Variants in ATP1A4 observed in about 807,000 individuals in gnomAD.
ATP1A4 encodes the protein ATPase Na+/K+ transporting subunit alpha 4.
Under a neutral mutation model 114.3 loss-of-function variants are expected in ATP1A4, and 90 were observed. That is an observed-to-expected ratio of 0.79 (90% confidence interval 0.66 to 0.94). The LOEUF is 0.94. Among genes scored for constraint, ATP1A4 ranks in the 40% least tolerant of loss-of-function variants. The pLI is 0.00. For synonymous variants in ATP1A4, 511 were observed against 494.1 expected (o/e 1.03, Z -0.45); for missense variants, 1,222 against 1,313.6 (o/e 0.93, Z 1.08).
intron 18 of ATP1A4, among the ~76,000 whole-genome samples, chr1:160,179,532 T>G (rs1653605333): frequency 2.0e-5 from 3 of 152,214 alleles, no homozygotes; most frequent in African/African-American, 7.2e-5. Context: ...CCGTGTCTCT[T>G]CTATGACTGT....
At chr1:160,182,278 T>C (rs2101658333) in intron 20 of ATP1A4, among the ~76,000 whole-genome samples, 1 of 152,350 alleles carries the variant, frequency 6.6e-6, no homozygotes, top group African/African-American at 2.4e-5. Context: ...TTACCAGTGT[T>C]TAACAGAGTG....
chr1:160,177,504 C>G lies in ATP1A4; in HGVS notation c.2591-15C>G. ...TGAACCAGGCTCCCCTGTCCTGCAA[C>G]TCTGTCATTCACAGGGATGATCCAG... On this transcript the variant is annotated splice_polypyrimidine_tract_variant and intron_variant, in intron 17 of 21. Coordinates refer to ENST00000368081, the MANE Select transcript of ATP1A4 (RefSeq NM_144699.4). 1 of 1,613,406 alleles carries G rather than the reference C, an allele frequency of 6.2e-7. No homozygotes were observed. The highest frequency in any genetic ancestry group is 8.5e-7 in the Non-Finnish European group (1 of 1,179,798).
At position 160,170,255 on chromosome 1, in the gene ATP1A4, G is replaced by A. The variant is rs115784124; in HGVS notation, c.1492-996G>A. On this transcript the variant is annotated intron_variant, in intron 10 of 21. Transcript: ENST00000368081. ...GCCTGACCAGCATGGTAAAACCCCC[G>A]TCTCTGCTAAAAATTCAAAAAATCA... 1.3e-3 allele frequency: 193 copies of A among 151,288 alleles called. 2 individuals carry two copies. Among genetic ancestry groups the A allele is most frequent in the African/African-American group, 4.4e-3 (181 of 41,192 alleles). 9.4% of individuals were successfully genotyped at this position (151,288 alleles called of 1,614,324 possible).
rs779083308 is a variant in ATP1A4 at position 160,174,258 on chromosome 1, G to C, written c.2139G>C (p.Arg713Ser). ...TCATCATTGTCGAGGGATGTCAGAGGCTGGTAAGGAACGAAAAGGAGCCCC... is the reference window on the plus strand; with the variant it reads ...TCATCATTGTCGAGGGATGTCAGAGCCTGGTAAGGAACGAAAAGGAGCCCC... ...QKLIIVEGCQ[R>S]LGAVVAVTGD... Residue 713 changes from arginine (R) to serine (S), a missense_variant, in exon 14 of 22, where the codon AGG (arginine) becomes AGC (serine). Coordinates refer to ENST00000368081, the MANE Select transcript of ATP1A4 (RefSeq NM_144699.4). 2 of 1,613,932 alleles carry C rather than the reference G, an allele frequency of 1.2e-6. No individual in the cohort carries two copies. Among genetic ancestry groups the C allele is most frequent in the African/African-American group, 2.7e-5 (2 of 74,846 alleles).
chr1:160,183,844 T>C (rs958323583), intron 20 of ATP1A4, among the ~76,000 whole-genome samples: 19 of 152,228 alleles, frequency 1.2e-4, no homozygotes, highest in Admixed American at 1.2e-3. Context: ...CCTTCAACTG[T>C]TGAAAATAAT....
chr1:160,155,027 T>G lies in ATP1A4; in HGVS notation c.208-18T>G. 1 of 1,611,128 alleles carries G rather than the reference T, an allele frequency of 6.2e-7. No homozygotes were observed. Among genetic ancestry groups the G allele is most frequent in the Non-Finnish European group, 8.5e-7 (1 of 1,178,108 alleles). Reference sequence around the variant, plus strand: ...CTTTTCACAGCTCTCTATCCAACCCTATTTCTTCTCTGCACAGGGCCATAG... The same window carrying G: ...CTTTTCACAGCTCTCTATCCAACCCGATTTCTTCTCTGCACAGGGCCATAG... On this transcript the variant is annotated intron_variant, in intron 2 of 21. Coordinates refer to ENST00000368081, the MANE Select transcript of ATP1A4 (RefSeq NM_144699.4).
chr1:160,180,636 T>C (rs1653649136), intron 18 of ATP1A4, among the ~76,000 whole-genome samples: 1 of 149,954 alleles, frequency 6.7e-6, no homozygotes, highest in Admixed American at 6.6e-5. Flanking sequence ...ACTCACATTG[T>C]CCTCTGGCCC....
At chr1:160,174,460 C>T (rs1557805116) in intron 14 of ATP1A4, 119 bp from the exon 15 acceptor site, 1 of 1,473,904 alleles carries the variant, frequency 6.8e-7, no homozygotes, top group Non-Finnish European at 9.1e-7. Context: ...AGGACGGGAG[C>T]CCTAAATCAA....
At chr1:160,161,456 A>G (rs1652860225) in intron 6 of ATP1A4, among the ~76,000 whole-genome samples, 1 of 152,204 alleles carries the variant, frequency 6.6e-6, no homozygotes, top group African/African-American at 2.4e-5. Context: ...TGGCCTTCTC[A>G]GCCTTCCCTG....
Position 160,152,005 on chromosome 1 carries a change from A to G in ATP1A4, c.-36A>G, listed in dbSNP as rs138370635. ...GCCTCACTCTCTCAGCTTTCTTCCC[A>G]CAGTTGAGCTCGGGCAGCTCTTTCT... On this transcript the variant is annotated 5_prime_UTR_variant, in exon 1 of 22. Transcript: ENST00000368081. 3.6e-4 allele frequency: 569 copies of G among 1,590,994 alleles called. 6 individuals carry two copies. In the East Asian group the frequency reaches 0.013, roughly 35 times the overall value.
In ATP1A4 at chr1:160,154,171, T is replaced by C. The variant is rs571410626; in HGVS notation, c.208-874T>C. ...TAGTTGGAGACCAGCCTGGCCAACA[T>C]GGTGAAACCCCATCTGTATTAAAAA... On this transcript the variant is annotated intron_variant, in intron 2 of 21. Transcript: ENST00000368081. Among the ~76,000 whole-genome samples the C allele has an allele frequency of 1.4e-3, 216 of 152,256 alleles. 3 individuals are homozygous for C. The highest frequency in any genetic ancestry group is 4.8e-3 in the African/African-American group (199 of 41,542).
intron 20 of ATP1A4, among the ~76,000 whole-genome samples, chr1:160,184,589 T>C (rs896798862): frequency 6.6e-6 from 1 of 152,156 alleles, no homozygotes; most frequent in East Asian, 1.9e-4. Context: ...AATGTTTATA[T>C]TGATTACATA....
At chr1:160,153,298 C>G (rs1652523972) in intron 2 of ATP1A4, 74 bp downstream of exon 2, 1 of 1,372,144 alleles carries the variant, frequency 7.3e-7, no homozygotes, top group African/African-American at 1.4e-5. Context: ...AAAAGCTGAA[C>G]TAGGAATCCA....
intron 6 of ATP1A4, among the ~76,000 whole-genome samples, chr1:160,162,636 C>A (rs2101631916): frequency 6.6e-6 from 1 of 152,316 alleles, no homozygotes; most frequent in South Asian, 2.1e-4. Flanking sequence ...CCACTGCATG[C>A]CAGTAGGAGC....
intron 2 of ATP1A4, among the ~76,000 whole-genome samples, chr1:160,153,514 G>A (rs1387832662): frequency 1.3e-5 from 2 of 152,128 alleles, no homozygotes; most frequent in African/African-American, 4.8e-5. Flanking sequence ...ATCTAGGACC[G>A]CAAAGAACTT....
At chr1:160,170,580 T>C (rs978466248) in intron 10 of ATP1A4, 1 of 2,650 alleles carries the variant, frequency 3.8e-4, no homozygotes, top group Non-Finnish European at 7.3e-4. Flanking sequence ...GTCTTTGGAC[T>C]TTTTTTTTTT....
chr1:160,173,092 G>A (rs1653324989), intron 12 of ATP1A4, among the ~76,000 whole-genome samples: 1 of 152,160 alleles, frequency 6.6e-6, no homozygotes, highest in Admixed American at 6.5e-5. Flanking sequence ...AATGGGACAG[G>A]ACTAGGTACC....
chr1:160,174,750 G>A lies in ATP1A4; in HGVS notation c.2311+3G>A, dbSNP rs749126235. On this transcript the variant is annotated splice_donor_region_variant and intron_variant, in intron 15 of 21. Transcript: ENST00000368081. ...CATCGTCACGGGGGTGGAGGAGGGT[G>A]AGGAGGCAGGGTGCCCATGGTGGAG... 6.2e-7 allele frequency: 1 copy of A among 1,613,802 alleles called. No individual in the cohort carries two copies. The highest frequency in any genetic ancestry group is 1.3e-5 in the African/African-American group (1 of 74,918).
At chr1:160,154,573 G>A (rs1049749611) in intron 2 of ATP1A4, among the ~76,000 whole-genome samples, 4 of 151,958 alleles carry the variant, frequency 2.6e-5, no homozygotes, top group African/African-American at 9.7e-5. Flanking sequence ...AACTATAGTT[G>A]CCCTATTGTG....
Sources: gnomAD v4.1 joint callset for allele counts (sites outside exome capture counted in the v4.1 genomes callset) on GRCh38, gnomAD v4.1.1 for gene constraint, MANE v1.5 for transcripts, NCBI Gene and HGNC (gene_info 2026-07-23, HGNC 2026-07-21) for gene names.